The following NBAS variants were observed in gnomAD, a reference collection of about 807,000 sequenced individuals.
The protein encoded by NBAS is NBAS subunit of NRZ tethering complex.
Under a neutral mutation model 302.5 loss-of-function variants are expected in NBAS, and 219 were observed. The observed-to-expected ratio is 0.72, with a 90% CI of 0.65 to 0.81. The LOEUF is 0.81. Ranked by LOEUF, NBAS falls within the 30% of genes least tolerant of loss-of-function variation. The probability of loss-of-function intolerance (pLI) is 0.00; values close to 1 mark genes in which losing one functional copy is unlikely to be tolerated. For missense variants in NBAS, 2,932 were observed against 2,841.6 expected (o/e 1.03, Z -0.72); for synonymous variants, 1,118 against 1,021.6 (o/e 1.09, Z -1.80).
At position 15,309,267 on chromosome 2, in the gene NBAS, CAT is replaced by C. The variant is rs1192935592; in HGVS notation, c.4583-22_4583-21del. 6.3e-7 allele frequency: 1 copy of C among 1,589,474 alleles called. No individual in the cohort carries two copies. The highest frequency in any genetic ancestry group is 1.3e-5 in the African/African-American group (1 of 74,246). On this transcript the variant is annotated intron_variant, in intron 38 of 51. Coordinates refer to ENST00000281513, the MANE Select transcript of NBAS (RefSeq NM_015909.4). Reference sequence around the variant, plus strand: ...AGAGAACTGAATGCAGAAAAAGAAACATTATTTTACTGAGGTTGCATATGATA... The same window carrying C: ...AGAGAACTGAATGCAGAAAAAGAAACTATTTTACTGAGGTTGCATATGATA...
the NBAS span, among the ~76,000 whole-genome samples, chr2:14,923,076 C>T: frequency 1.2e-4 from 19 of 152,244 alleles, no homozygotes; most frequent in Middle Eastern, 3.4e-3. Context: ...GGCATGAACC[C>T]GGGAAGCGGA....
At chr2:14,931,319 G>A in the NBAS span, among the ~76,000 whole-genome samples, 159 of 152,198 alleles carry the variant, frequency 1.0e-3, no homozygotes, top group African/African-American at 3.5e-3. Flanking sequence ...TGTTTGTTTG[G>A]GAAACTGCAA....
intron 38 of NBAS, among the ~76,000 whole-genome samples, 183 bp from the exon 39 acceptor site, chr2:15,309,430 C>A (rs900153792): frequency 1.5e-4 from 23 of 152,064 alleles, no homozygotes; most frequent in Non-Finnish European, 1.3e-4. Context: ...AGTAACCTTG[C>A]CTTAATTCAG....
intron 41 of NBAS, among the ~76,000 whole-genome samples, chr2:15,290,093 GA>G (rs1670238618): frequency 6.7e-6 from 1 of 148,902 alleles, no homozygotes; most frequent in African/African-American, 2.5e-5. Context: ...GTAGAGGGGA[GA>G]GGGGAGAGAG....
intron 44 of NBAS, among the ~76,000 whole-genome samples, chr2:15,266,726 G>A (rs1205395416): frequency 2.0e-5 from 3 of 152,046 alleles, no homozygotes; most frequent in Non-Finnish European, 2.9e-5. Context: ...TAGGGTCCTA[G>A]GGCTTCATTC....
the NBAS span, among the ~76,000 whole-genome samples, chr2:14,995,806 T>C: frequency 3.9e-5 from 6 of 152,204 alleles, no homozygotes; most frequent in South Asian, 1.0e-3. Flanking sequence ...ATGGTAACCT[T>C]GAACTCCCAG....
chr2:14,912,282 C>G, the NBAS span, among the ~76,000 whole-genome samples: 2 of 152,110 alleles, frequency 1.3e-5, no homozygotes, highest in Non-Finnish European at 2.9e-5. Context: ...GGTGCCTGTC[C>G]ATAGTATTTT....
At chr2:14,854,393 C>A in the NBAS span, among the ~76,000 whole-genome samples, 2 of 151,914 alleles carry the variant, frequency 1.3e-5, no homozygotes, top group African/African-American at 4.8e-5. Flanking sequence ...GCCATCAACC[C>A]TCTCCCCATG....
the NBAS span, among the ~76,000 whole-genome samples, chr2:15,006,504 A>G: frequency 6.6e-6 from 1 of 152,212 alleles, no homozygotes; most frequent in East Asian, 1.9e-4. Context: ...TTAATTGTAT[A>G]CACAATATGA....
At chr2:15,206,152 G>C (rs928975793) in intron 48 of NBAS, among the ~76,000 whole-genome samples, 6 of 152,162 alleles carry the variant, frequency 3.9e-5, no homozygotes, top group African/African-American at 1.4e-4. Flanking sequence ...TCCGGGCTGA[G>C]GTGGTCTCAG....
the NBAS span, among the ~76,000 whole-genome samples, chr2:15,132,229 G>A: frequency 1.3e-5 from 2 of 152,136 alleles, no homozygotes; most frequent in Non-Finnish European, 2.9e-5. Context: ...TCCAGACAAT[G>A]GAATGTTATT....
the NBAS span, among the ~76,000 whole-genome samples, chr2:14,978,663 CTG>C: frequency 6.6e-6 from 1 of 152,078 alleles, no homozygotes; most frequent in African/African-American, 2.4e-5. Flanking sequence ...GATAAGGAAA[CTG>C]AGGTCAAGAG....
At chr2:15,265,418 G>A (rs1669034134) in intron 44 of NBAS, among the ~76,000 whole-genome samples, 1 of 152,128 alleles carries the variant, frequency 6.6e-6, no homozygotes, top group African/African-American at 2.4e-5. Flanking sequence ...TATCAAATGA[G>A]CTAGGGTATA....
chr2:15,152,475 G>A, the NBAS span, among the ~76,000 whole-genome samples: 1 of 152,174 alleles, frequency 6.6e-6, no homozygotes. Context: ...GTATATTCTT[G>A]TAACAAGTAG....
rs532820430 is a variant in NBAS, at chr2:15,440,949, T to A, written c.2340-13155A>T. 1.2e-3 allele frequency among the ~76,000 whole-genome samples: 182 copies of A among 151,680 alleles called. 1 individual carries two copies. The highest frequency in any genetic ancestry group is 6.8e-3 in the Middle Eastern group (2 of 294). On this transcript the variant is annotated intron_variant, in intron 21 of 51. Coordinates refer to ENST00000281513, the MANE Select transcript of NBAS (RefSeq NM_015909.4). ...AATGAAATGAAGCGAGAAGGGAAGT[T>A]TAGAGAAAAAAGAATAAAAAGAAAC... is the stretch of plus-strand genomic sequence containing the variant.
At chr2:14,784,163 G>C in the NBAS span, among the ~76,000 whole-genome samples, 2 of 151,860 alleles carry the variant, frequency 1.3e-5, no homozygotes, top group African/African-American at 2.4e-5. Flanking sequence ...CTTTTTGATG[G>C]GGTTGTTTTT....
the NBAS span, among the ~76,000 whole-genome samples, chr2:14,874,333 G>A: frequency 6.6e-6 from 1 of 151,928 alleles, no homozygotes; most frequent in African/African-American, 2.4e-5. Context: ...CAAAACATAA[G>A]AGATTACAAG....
At chr2:14,829,578 C>T in the NBAS span, among the ~76,000 whole-genome samples, 4 of 152,152 alleles carry the variant, frequency 2.6e-5, no homozygotes, top group African/African-American at 9.7e-5. Context: ...AAAGAGCAAT[C>T]TTTGGTGATG....
chr2:15,124,462 G>A, the NBAS span, among the ~76,000 whole-genome samples: 1 of 152,238 alleles, frequency 6.6e-6, no homozygotes, highest in Non-Finnish European at 1.5e-5. Flanking sequence ...CAAGCAGGCT[G>A]TAGAGCGACC....
Sources: gnomAD v4.1 joint callset for allele counts (sites outside exome capture counted in the v4.1 genomes callset) on GRCh38, gnomAD v4.1.1 for gene constraint, MANE v1.5 for transcripts, NCBI Gene and HGNC (gene_info 2026-07-23, HGNC 2026-07-21) for gene names.